The following PEX5L variants were observed in gnomAD, a reference collection of about 807,000 sequenced individuals.
PEX5L encodes the protein PEX5-related protein.
Under a neutral mutation model 84.0 loss-of-function variants are expected in PEX5L, and 30 were observed. The observed-to-expected ratio is 0.36, with a 90% CI of 0.27 to 0.48. The LOEUF (loss-of-function observed/expected upper bound fraction) is 0.48, where lower values mean the gene tolerates loss of function less well. PEX5L is among the 20% of genes least tolerant of loss of function. The pLI, the probability that PEX5L is intolerant of heterozygous loss-of-function variation, is 0.99. For synonymous variants in PEX5L, 270 were observed against 283.1 expected, an observed-to-expected ratio of 0.95 and a Z score of 0.46; for missense variants, 533 against 754.6, an observed-to-expected ratio of 0.71 and a Z score of 3.44.
At chr3:179,816,053 A>C in intron 9 of PEX5L, 49 bp from the exon 10 acceptor site, 2 of 1,570,800 alleles carry the variant, frequency 1.3e-6, no homozygotes, top group Non-Finnish European at 1.7e-6. Context: ...TTCTCTTCTC[A>C]TTCTCACATT....
intron 8 of PEX5L, among the ~76,000 whole-genome samples, chr3:179,848,978 T>A (rs572050890): frequency 6.6e-6 from 1 of 152,084 alleles, no homozygotes; most frequent in East Asian, 1.9e-4. Context: ...CCCTTGGGGA[T>A]GGAGGAGAAA....
chr3:179,811,236 T>C lies in PEX5L; in HGVS notation c.1154+565A>G, dbSNP rs942374059. Among the ~76,000 whole-genome samples the C allele has an allele frequency of 6.0e-4, 91 of 152,100 alleles. No individual in the cohort carries two copies. In the East Asian group the frequency reaches 0.017, roughly 28 times the overall value. The stretch of plus-strand genomic sequence containing the variant: ...GAATGTATGTGTGTGTGTGTGTGTG[T>C]GTGTGTGTGTGCATATGTATACGCA... On this transcript the variant is annotated intron_variant, in intron 11 of 14. Coordinates refer to ENST00000467460, the MANE Select transcript of PEX5L (RefSeq NM_016559.3).
At chr3:179,875,820 C>T (rs1025927381) in intron 5 of PEX5L, among the ~76,000 whole-genome samples, 15 of 152,168 alleles carry the variant, frequency 9.9e-5, no homozygotes, top group Non-Finnish European at 1.8e-4. Flanking sequence ...TAAGCCTGTG[C>T]GATCTGGTGT....
chr3:179,995,893 C>A (rs527760155), intron 1 of PEX5L, among the ~76,000 whole-genome samples: 1 of 152,154 alleles, frequency 6.6e-6, no homozygotes, highest in South Asian at 2.1e-4. Flanking sequence ...GGAATGGGGA[C>A]GTGTGGGAGG....
chr3:179,814,873 C>T (rs1226596719), intron 10 of PEX5L, among the ~76,000 whole-genome samples: 1 of 152,096 alleles, frequency 6.6e-6, no homozygotes, highest in African/African-American at 2.4e-5. Flanking sequence ...ACCATTCTCT[C>T]CTCCCCTCTT....
intron 2 of PEX5L, chr3:179,902,228 G>C (rs1285463062): frequency 6.5e-6 from 1 of 154,526 alleles, no homozygotes; most frequent in Non-Finnish European, 1.4e-5. Flanking sequence ...TTCTGTGGCC[G>C]AGCCAGGACA....
At chr3:179,902,438 T>C (rs1199094295) in intron 2 of PEX5L, among the ~76,000 whole-genome samples, 1 of 152,190 alleles carries the variant, frequency 6.6e-6, no homozygotes, top group Non-Finnish European at 1.5e-5. Context: ...TTCTGAGAAA[T>C]ATCTTCTTTC....
At chr3:179,969,515 T>C (rs1224203119) in intron 2 of PEX5L, among the ~76,000 whole-genome samples, 1 of 152,112 alleles carries the variant, frequency 6.6e-6, no homozygotes, top group African/African-American at 2.4e-5. Context: ...TAATTTCTTA[T>C]AGCTTTATAA....
At chr3:179,924,904 C>T (rs1178210291) in intron 2 of PEX5L, among the ~76,000 whole-genome samples, 1 of 152,056 alleles carries the variant, frequency 6.6e-6, no homozygotes. Flanking sequence ...CTTAACTTGG[C>T]AAAGTAAGAA....
chr3:179,900,484 C>G (rs1760916527), intron 2 of PEX5L, among the ~76,000 whole-genome samples: 1 of 152,072 alleles, frequency 6.6e-6, no homozygotes. Flanking sequence ...CATAGAGATA[C>G]TTTTTTACAT....
chr3:179,966,428 T>A (rs893807566), intron 2 of PEX5L, among the ~76,000 whole-genome samples: 3 of 152,172 alleles, frequency 2.0e-5, no homozygotes, highest in African/African-American at 7.2e-5. Context: ...CACATTGATA[T>A]GACCAAGAAA....
chr3:179,894,854 C>A (rs570958552), intron 3 of PEX5L, among the ~76,000 whole-genome samples: 1 of 151,958 alleles, frequency 6.6e-6, no homozygotes, highest in South Asian at 2.1e-4. Flanking sequence ...ATGGGCTATA[C>A]CTTGCTAAAA....
chr3:179,981,700 A>C (rs923280269), intron 1 of PEX5L, among the ~76,000 whole-genome samples: 3 of 152,132 alleles, frequency 2.0e-5, no homozygotes, highest in African/African-American at 7.2e-5. Flanking sequence ...AGAAAGAGAG[A>C]AAAAAACTTG....
At chr3:179,904,685 C>T (rs1208339523) in intron 2 of PEX5L, among the ~76,000 whole-genome samples, 1 of 152,060 alleles carries the variant, frequency 6.6e-6, no homozygotes, top group Non-Finnish European at 1.5e-5. Context: ...CAAAATAGTC[C>T]ATTTTGGGGG....
intron 8 of PEX5L, among the ~76,000 whole-genome samples, chr3:179,830,829 C>G (rs1053216853): frequency 2.0e-5 from 3 of 152,208 alleles, no homozygotes; most frequent in Non-Finnish European, 4.4e-5. Flanking sequence ...AAAAACCCCA[C>G]TCTCTGAGAA....
chr3:179,912,727 AC>A (rs1337802858), intron 2 of PEX5L, among the ~76,000 whole-genome samples: 1 of 152,050 alleles, frequency 6.6e-6, no homozygotes, highest in African/African-American at 2.4e-5. Context: ...GTCACATATA[AC>A]CTGTTCAAGT....
intron 3 of PEX5L, among the ~76,000 whole-genome samples, chr3:179,893,922 CTA>C: frequency 6.6e-6 from 1 of 151,760 alleles, no homozygotes; most frequent in South Asian, 2.1e-4. Flanking sequence ...TGAAATTCCT[CTA>C]TTATTTGTGA....
intron 8 of PEX5L, among the ~76,000 whole-genome samples, chr3:179,830,285 GC>G (rs57877847): frequency 0.086 from 7,003 of 81,328 alleles, 546 homozygotes; most frequent in African/African-American, 0.23. Flanking sequence ...TTCCTCCCCC[GC>G]CCCCCCCCTT....
intron 8 of PEX5L, among the ~76,000 whole-genome samples, chr3:179,846,802 C>G (rs1739521845): frequency 6.6e-6 from 1 of 152,116 alleles, no homozygotes; most frequent in Non-Finnish European, 1.5e-5. Flanking sequence ...CTCTCCTGGT[C>G]CTCAGGCCTT....
Sources: gnomAD v4.1 joint callset for allele counts (sites outside exome capture counted in the v4.1 genomes callset) on GRCh38, gnomAD v4.1.1 for gene constraint, MANE v1.5 for transcripts, NCBI Gene and HGNC (gene_info 2026-07-23, HGNC 2026-07-21) for gene names.